TBL3: variants seen among roughly 807,000 people sequenced by gnomAD.
The protein encoded by TBL3 is transducin beta-like protein 3.
TBL3 carries 71 observed loss-of-function variants against 102.7 expected under a neutral mutation model. The observed-to-expected ratio is 0.69, with a 90% CI of 0.57 to 0.84. The LOEUF (loss-of-function observed/expected upper bound fraction) is 0.84. TBL3 is among the 40% of genes least tolerant of loss of function. TBL3 has a pLI of 0.00. For synonymous variants in TBL3, 578 were observed against 477.7 expected, an observed-to-expected ratio of 1.21 and a Z score of -2.74; for missense variants, 1,188 against 1,098.5, an observed-to-expected ratio of 1.08 and a Z score of -1.15.
In TBL3 at chr16:1,974,943, C is replaced by G. The variant is rs2083387839; in HGVS notation, c.480C>G (p.His160Gln). The change falls in exon 7 of 22, where the codon CAC becomes CAG. Residue 160 changes from histidine (H) to glutamine (Q), a missense_variant. His to Gln is a conservative substitution (Grantham distance 24, BLOSUM62 0). Coordinates refer to ENST00000568546, the MANE Select transcript of TBL3 (RefSeq NM_006453.3). Reference sequence around the variant, plus strand: ...CCGCCCACAGCCTAGTGGCCTTCCACCCGGACCCTACACGCCTGCTGCTCT... The same window carrying G: ...CCGCCCACAGCCTAGTGGCCTTCCAGCCGGACCCTACACGCCTGCTGCTCT... Reference protein sequence around the residue: ...SPGVVHLVAFHPDPTRLLLFS... With the variant: ...SPGVVHLVAFQPDPTRLLLFS... 1.9e-6 allele frequency: 3 copies of G among 1,611,252 alleles called. No individual in the cohort carries two copies. In the East Asian group the frequency reaches 6.7e-5, roughly 36 times the overall value.
chr16:1,973,077 G>A (rs1348182137), intron 1 of TBL3, among the ~76,000 whole-genome samples: 3 of 152,198 alleles, frequency 2.0e-5, no homozygotes, highest in Non-Finnish European at 4.4e-5. Context: ...GTGGGCAGAA[G>A]GGAGGGGCTA....
rs2083502847 is a variant in TBL3 at position 1,981,198 on chromosome 16, G to C, written c.*2513G>C. ...CTGCCATGGCTGTGGCTTCCAGGCTGCAGATTCCTGAAATGGGCGAGGACC... is the reference window on the plus strand; with the variant it reads ...CTGCCATGGCTGTGGCTTCCAGGCTCCAGATTCCTGAAATGGGCGAGGACC... On this transcript the variant is annotated 3_prime_UTR_variant, in exon 22 of 22. Coordinates refer to ENST00000568546, the MANE Select transcript of TBL3 (RefSeq NM_006453.3). 1 of 1,613,398 alleles carries C rather than the reference G, an allele frequency of 6.2e-7. No homozygotes were observed. Among genetic ancestry groups the C allele is most frequent in the Non-Finnish European group, 8.5e-7 (1 of 1,179,982 alleles).
At position 1,978,358 on chromosome 16, in the gene TBL3, A is replaced by C. The variant is rs544319768; in HGVS notation, c.2180A>C (p.His727Pro). 1.9e-5 allele frequency: 31 copies of C among 1,611,668 alleles called. No individual in the cohort carries two copies. Among genetic ancestry groups the C allele is most frequent in the Non-Finnish European group, 2.3e-5 (27 of 1,179,174 alleles). The change falls in exon 21 of 22, where the codon CAC (histidine) becomes CCC (proline). Residue 727 changes from histidine (H) to proline (P), a missense_variant. His to Pro is a moderately conservative substitution (Grantham distance 77). Coordinates refer to ENST00000568546, the MANE Select transcript of TBL3 (RefSeq NM_006453.3). Reference sequence around the variant, plus strand: ...GTCACGTGGAACACCAACTCGCGGCACTGCCACGAGGCCCAGGCCGTGCTG... The same window carrying C: ...GTCACGTGGAACACCAACTCGCGGCCCTGCCACGAGGCCCAGGCCGTGCTG... ...FCVTWNTNSR[H>P]CHEAQAVLGV...
In TBL3 at chr16:1,977,255, T is replaced by C. The variant is rs1189804064; in HGVS notation, c.1642T>C (p.Trp548Arg). 1 of 1,613,190 alleles carries C rather than the reference T, an allele frequency of 6.2e-7. No homozygotes were observed. Among genetic ancestry groups the C allele is most frequent in the Non-Finnish European group, 8.5e-7 (1 of 1,179,948 alleles). Residue 548 changes from tryptophan (W) to arginine (R), a missense_variant, in exon 15 of 22, where the codon TGG becomes CGG. Coordinates refer to ENST00000568546, the MANE Select transcript of TBL3 (RefSeq NM_006453.3). Reference sequence around the variant, plus strand: ...CTCAGCTGATGGCACCATCAAGCTCTGGGCACTCCAGGACTTCAGCTGTCT... The same window carrying C: ...CTCAGCTGATGGCACCATCAAGCTCCGGGCACTCCAGGACTTCAGCTGTCT... ...TASADGTIKL[W>R]ALQDFSCLKT...
At position 1,980,964 on chromosome 16, in the gene TBL3, C is replaced by T. The variant is rs1019471673; in HGVS notation, c.*2279C>T. On this transcript the variant is annotated 3_prime_UTR_variant, in exon 22 of 22. Coordinates refer to ENST00000568546, the MANE Select transcript of TBL3 (RefSeq NM_006453.3). ...CTTGAGCTGCCTGAATTCGTCCCAACTCCTGCGCACGAAGGTGTCGCTGCC... is the reference window on the plus strand; with the variant it reads ...CTTGAGCTGCCTGAATTCGTCCCAATTCCTGCGCACGAAGGTGTCGCTGCC... 1 of 1,613,094 alleles carries T rather than the reference C, an allele frequency of 6.2e-7. No homozygotes were observed. The highest frequency in any genetic ancestry group is 1.3e-5 in the African/African-American group (1 of 75,070).
At position 1,978,817 on chromosome 16, in the gene TBL3, A is replaced by G; in HGVS notation, c.*132A>G. 1 of 1,291,550 alleles carries G rather than the reference A, an allele frequency of 7.7e-7. No homozygotes were observed. Among genetic ancestry groups the G allele is most frequent in the South Asian group, 1.4e-5 (1 of 70,574 alleles). The allele number at this position is 1,291,550 out of a possible 1,614,324, so 80.0% of individuals were successfully genotyped here. A position where few individuals can be genotyped will look rare whatever the true frequency, so the allele number is the denominator to read the frequency against. ...GCCAACACCCTACCTAGCCAGCCAG[A>G]AGGGCACTGGAGCTGATGGTCTCGG... On this transcript the variant is annotated 3_prime_UTR_variant, in exon 22 of 22. Transcript: ENST00000568546.
Position 1,977,294 on chromosome 16 carries a change from G to A in TBL3, c.1671+10G>A, listed in dbSNP as rs751924929. 1.9e-5 allele frequency: 31 copies of A among 1,613,208 alleles called. No individual in the cohort carries two copies. Among genetic ancestry groups the A allele is most frequent in the East Asian group, 2.2e-5 (1 of 44,894 alleles). ...CTTCAGCTGTCTCAAGGTAAGTGGCGCTCCAGACCCTCCCCACTTCCCGCC... is the reference window on the plus strand; with the variant it reads ...CTTCAGCTGTCTCAAGGTAAGTGGCACTCCAGACCCTCCCCACTTCCCGCC... On this transcript the variant is annotated intron_variant, in intron 15 of 21. Transcript: ENST00000568546.
intron 1 of TBL3, among the ~76,000 whole-genome samples, chr16:1,973,521 T>C (rs987150629): frequency 2.6e-5 from 4 of 152,156 alleles, no homozygotes; most frequent in Non-Finnish European, 4.4e-5. Context: ...TGTGATGGGC[T>C]GGACCAGGTG....
At chr16:1,978,261 C>T in intron 20 of TBL3, 41 bp downstream of exon 20, 1 of 1,612,076 alleles carries the variant, frequency 6.2e-7, no homozygotes, top group South Asian at 1.1e-5. Context: ...TGGGCAAGGG[C>T]CAGTCATGGC....
In TBL3 at chr16:1,977,306, C is replaced by A. The variant is rs781532066; in HGVS notation, c.1671+22C>A. The A allele has an allele frequency of 9.9e-6, 16 of 1,613,096 alleles. No homozygotes were observed. In the South Asian group the frequency reaches 1.8e-4, roughly 18 times the overall value. ...CAAGGTAAGTGGCGCTCCAGACCCT[C>A]CCCACTTCCCGCCCTGGTGACATCT... On this transcript the variant is annotated intron_variant, in intron 15 of 21. Coordinates refer to ENST00000568546, the MANE Select transcript of TBL3 (RefSeq NM_006453.3).
Position 1,978,994 on chromosome 16 carries a change from C to A in TBL3, c.*309C>A, listed in dbSNP as rs2083434775. ...CTGCTGGCCAGGGAGATCCGCCCTC[C>A]CCGCTCCTCCCCAGCCCTGGGATGG... is the stretch of plus-strand genomic sequence containing the variant. On this transcript the variant is annotated 3_prime_UTR_variant, in exon 22 of 22. Transcript: ENST00000568546. The A allele has an allele frequency of 4.8e-6, 7 of 1,462,452 alleles. No homozygotes were observed. The South Asian group carries it at 7.7e-5, about 16-fold the overall frequency. 90.6% of individuals were successfully genotyped at this position (1,462,452 alleles called of 1,614,324 possible).
Position 1,978,753 on chromosome 16 carries a change from G to T in TBL3, c.*68G>T. The T allele has an allele frequency of 6.4e-7, 1 of 1,556,750 alleles. No homozygotes were observed. The highest frequency in any genetic ancestry group is 1.2e-5 in the South Asian group (1 of 85,220). Reference sequence around the variant, plus strand: ...CCCATAAAGGCCGCTCTCCTGGCCGGCTCTGTCTCTCTGGACTGCAGTCCA... The same window carrying T: ...CCCATAAAGGCCGCTCTCCTGGCCGTCTCTGTCTCTCTGGACTGCAGTCCA... On this transcript the variant is annotated 3_prime_UTR_variant, in exon 22 of 22. Coordinates refer to ENST00000568546, the MANE Select transcript of TBL3 (RefSeq NM_006453.3).
chr16:1,977,269 C>A lies in TBL3; in HGVS notation c.1656C>A (p.Asp552Glu), dbSNP rs2083410698. Residue 552 changes from aspartate (D) to glutamate (E), a missense_variant, in exon 15 of 22, where the codon GAC (aspartate) becomes GAA (glutamate). Transcript: ENST00000568546. ...CCATCAAGCTCTGGGCACTCCAGGA[C>A]TTCAGCTGTCTCAAGGTAAGTGGCG... ...DGTIKLWALQDFSCLKTFEGH... is the reference protein window; with the variant it reads ...DGTIKLWALQEFSCLKTFEGH... The A allele has an allele frequency of 6.2e-7, 1 of 1,613,210 alleles. No individual in the cohort carries two copies. The highest frequency in any genetic ancestry group is 1.1e-5 in the South Asian group (1 of 91,090).
At position 1,974,797 on chromosome 16, in the gene TBL3, C is replaced by G; in HGVS notation, c.414C>G (p.Ile138Met). ...GCDGAVRVWD[I>M]VRHYGTHHFR... ...ATGGGGCCGTGCGCGTCTGGGACAT[C>G]GTGCGGCACTACGGGACACACCACT... The change falls in exon 6 of 22, where the codon ATC becomes ATG. Residue 138 changes from isoleucine to methionine, a missense_variant. Coordinates refer to ENST00000568546, the MANE Select transcript of TBL3 (RefSeq NM_006453.3). 1 of 1,613,278 alleles carries G rather than the reference C, an allele frequency of 6.2e-7. No homozygotes were observed. The highest frequency in any genetic ancestry group is 1.7e-5 in the Admixed American group (1 of 60,026).
In TBL3 at chr16:1,980,990, G is replaced by T. The variant is rs772456775; in HGVS notation, c.*2305G>T. ...TCCTGCGCACGAAGGTGTCGCTGCC[G>T]TCTGACCAGCGCACAGAGAAGGCAA... On this transcript the variant is annotated 3_prime_UTR_variant, in exon 22 of 22. Coordinates refer to ENST00000568546, the MANE Select transcript of TBL3 (RefSeq NM_006453.3). The T allele has an allele frequency of 3.6e-5, 58 of 1,613,108 alleles. 1 individual carries two copies. The South Asian group carries it at 5.9e-4, about 16-fold the overall frequency.
Position 1,979,327 on chromosome 16 carries a change from G to C in TBL3, c.*642G>C. ...TCCGGCCGCAGCAGCACCGCGGGGA[G>C]TAGGCCCGCCCGGTCGCCGTACCTG... On this transcript the variant is annotated 3_prime_UTR_variant, in exon 22 of 22. Transcript: ENST00000568546. 1 of 1,574,928 alleles carries C rather than the reference G, an allele frequency of 6.3e-7. No individual in the cohort carries two copies.
chr16:1,975,394 G>C lies in TBL3; in HGVS notation c.761G>C (p.Gly254Ala), dbSNP rs1252300478. Reference sequence around the variant, plus strand: ...CCAGAGGAGCCAGTGTCCCAGCTGGGTGTGAAGTCCCCAGGGCTGTACTTT... The same window carrying C: ...CCAGAGGAGCCAGTGTCCCAGCTGGCTGTGAAGTCCCCAGGGCTGTACTTT... The part of the protein sequence containing the change: ...LLPEEPVSQL[G>A]VKSPGLYFLT... Residue 254 changes from glycine (G) to alanine (A), a missense_variant, in exon 9 of 22, where the codon GGT becomes GCT. Coordinates refer to ENST00000568546, the MANE Select transcript of TBL3 (RefSeq NM_006453.3). 1.9e-6 allele frequency: 3 copies of C among 1,613,876 alleles called. No homozygotes were observed. Among genetic ancestry groups the C allele is most frequent in the East Asian group, 4.5e-5 (2 of 44,904 alleles).
Position 1,980,563 on chromosome 16 carries a change from C to T in TBL3, c.*1878C>T, listed in dbSNP as rs745944090. The T allele has an allele frequency of 6.3e-6, 10 of 1,598,336 alleles. No individual in the cohort carries two copies. The highest frequency in any genetic ancestry group is 5.5e-5 in the South Asian group (5 of 90,126). On this transcript the variant is annotated 3_prime_UTR_variant, in exon 22 of 22. Transcript: ENST00000568546. ...GGTGCATCTTAAGGCACCACAAAAA[C>T]GTACTGTGATACGCCGCTTTGGGCT... is the stretch of plus-strand genomic sequence containing the variant.
chr16:1,972,057 C>T lies in TBL3; in HGVS notation c.-108C>T. On this transcript the variant is annotated 5_prime_UTR_variant, in exon 1 of 22. Transcript: ENST00000568546. ...GTCGCGCGCGGTGACGCCATCGCAGCGCGCCGGGAGTGTGGCGTTCTGTGA... is the reference window on the plus strand; with the variant it reads ...GTCGCGCGCGGTGACGCCATCGCAGTGCGCCGGGAGTGTGGCGTTCTGTGA... 1.6e-6 allele frequency: 2 copies of T among 1,264,868 alleles called. No homozygotes were observed. The highest frequency in any genetic ancestry group is 2.0e-6 in the Non-Finnish European group (2 of 977,460). The allele number at this position is 1,264,868 out of a possible 1,614,324, so 78.4% of individuals were successfully genotyped here. A position where few individuals can be genotyped will look rare whatever the true frequency, so the allele number is the denominator to read the frequency against.
Sources: allele counts gnomAD v4.1 joint callset (sites outside exome capture counted in the v4.1 genomes callset), GRCh38; gene constraint gnomAD v4.1.1; transcripts MANE v1.5; gene names NCBI Gene and HGNC (gene_info 2026-07-23, HGNC 2026-07-21).